The following CUL3 variants were observed in gnomAD, a reference collection of about 807,000 sequenced individuals.
CUL3 encodes cullin-3.
In CUL3, 19 loss-of-function variants were observed where a neutral mutation model predicts 89.1. That is an observed-to-expected ratio of 0.21 (90% CI 0.15 to 0.31). The LOEUF (loss-of-function observed/expected upper bound fraction) is 0.31. CUL3 is among the 10% of genes least tolerant of loss of function. The pLI is 1.00. For synonymous variants in CUL3, 351 were observed against 308.4 expected, an observed-to-expected ratio of 1.14 and a Z score of -1.45; for missense variants, 469 against 942.3, an observed-to-expected ratio of 0.50 and a Z score of 6.58.
intron 3 of CUL3, among the ~76,000 whole-genome samples, chr2:224,515,734 T>G (rs530730464): frequency 2.6e-5 from 4 of 152,222 alleles, no homozygotes; most frequent in African/African-American, 4.8e-5. Context: ...TTCACTCTGT[T>G]GTCTGGGCTG....
chr2:224,513,803 T>C (rs1000422992), intron 4 of CUL3, among the ~76,000 whole-genome samples, 165 bp from the exon 5 acceptor site: 9 of 152,204 alleles, frequency 5.9e-5, no homozygotes, highest in African/African-American at 2.2e-4. Context: ...TTAGCCTAAT[T>C]TTAAGTTGGA....
chr2:224,521,443 T>C (rs917330184), intron 3 of CUL3, among the ~76,000 whole-genome samples: 6 of 152,022 alleles, frequency 3.9e-5, no homozygotes, highest in Non-Finnish European at 8.8e-5. Flanking sequence ...CTTTTTTTTT[T>C]TTTTTGAGAC....
intron 2 of CUL3, among the ~76,000 whole-genome samples, chr2:224,541,426 T>G (rs1694099735): frequency 6.6e-6 from 1 of 152,202 alleles, no homozygotes; most frequent in Non-Finnish European, 1.5e-5. Context: ...AAACAAAAGA[T>G]GCTGACAGTA....
intron 14 of CUL3, among the ~76,000 whole-genome samples, chr2:224,480,673 T>C (rs1226853807): frequency 1.3e-5 from 2 of 152,124 alleles, no homozygotes; most frequent in Non-Finnish European, 2.9e-5. Context: ...TAGGGTACAG[T>C]AGGGTGAGGG....
At chr2:224,500,807 A>G (rs1692358621) in intron 10 of CUL3, among the ~76,000 whole-genome samples, 2 of 151,828 alleles carry the variant, frequency 1.3e-5, no homozygotes, top group Admixed American at 6.6e-5. Flanking sequence ...TATTTTTAGT[A>G]GAGACGGGGT....
At chr2:224,518,342 T>C (rs1205757601) in intron 3 of CUL3, among the ~76,000 whole-genome samples, 1 of 152,246 alleles carries the variant, frequency 6.6e-6, no homozygotes, top group Non-Finnish European at 1.5e-5. Flanking sequence ...CTCCATTGCA[T>C]GGATACACCA....
chr2:224,565,766 A>T (rs1392853581), intron 1 of CUL3, among the ~76,000 whole-genome samples: 1 of 152,316 alleles, frequency 6.6e-6, no homozygotes, highest in East Asian at 1.9e-4. Context: ...TTTCTTCAAG[A>T]TCCATATCCT....
intron 8 of CUL3, among the ~76,000 whole-genome samples, chr2:224,505,195 TGGCGTC>T (rs1476045542): frequency 6.6e-6 from 1 of 150,936 alleles, no homozygotes; most frequent in Non-Finnish European, 1.5e-5. Context: ...TGGAGTGCAG[TGGCGTC>T]ATCTTGGCTC....
At chr2:224,520,882 T>C (rs1693234475) in intron 3 of CUL3, among the ~76,000 whole-genome samples, 1 of 152,160 alleles carries the variant, frequency 6.6e-6, no homozygotes, top group South Asian at 2.1e-4. Context: ...AGAAATCAAA[T>C]TCAGCACATA....
chr2:224,580,210 G>A (rs1313776586), intron 1 of CUL3, among the ~76,000 whole-genome samples: 2 of 152,114 alleles, frequency 1.3e-5, no homozygotes, highest in South Asian at 2.1e-4. Flanking sequence ...GTGCAAGGCG[G>A]GAAAGCTTAT....
At chr2:224,541,591 AC>A (rs1163432434) in intron 2 of CUL3, among the ~76,000 whole-genome samples, 1 of 152,222 alleles carries the variant, frequency 6.6e-6, no homozygotes, top group Non-Finnish European at 1.5e-5. Flanking sequence ...ATGAAAACTT[AC>A]ATTCACACAA....
intron 2 of CUL3, among the ~76,000 whole-genome samples, chr2:224,547,137 C>G (rs1694333239): frequency 6.6e-6 from 1 of 152,124 alleles, no homozygotes; most frequent in Non-Finnish European, 1.5e-5. Flanking sequence ...GGCACTCATC[C>G]TAAATGCCTG....
chr2:224,568,657 A>G (rs2106318824), intron 1 of CUL3, among the ~76,000 whole-genome samples: 1 of 152,312 alleles, frequency 6.6e-6, no homozygotes, highest in Middle Eastern at 3.4e-3. Flanking sequence ...GATTTTTCCC[A>G]TTCACCTAAA....
At chr2:224,500,124 G>T in intron 11 of CUL3, 1 of 381,086 alleles carries the variant, frequency 2.6e-6, no homozygotes, top group Non-Finnish European at 4.9e-6. Flanking sequence ...CTAAATAAAA[G>T]GCATTTCAAA....
At chr2:224,545,326 C>T (rs1694254138) in intron 2 of CUL3, among the ~76,000 whole-genome samples, 2 of 151,852 alleles carry the variant, frequency 1.3e-5, no homozygotes, top group South Asian at 2.1e-4. Context: ...AAAATTATAC[C>T]AGTATCCTTA....
At chr2:224,546,674 G>C (rs1045367004) in intron 2 of CUL3, among the ~76,000 whole-genome samples, 1 of 124,244 alleles carries the variant, frequency 8.0e-6, no homozygotes, top group Admixed American at 9.5e-5. Flanking sequence ...GGATGGGGGG[G>C]GGTACTTGCC....
At chr2:224,527,106 C>T (rs1574658694) in intron 3 of CUL3, among the ~76,000 whole-genome samples, 1 of 152,110 alleles carries the variant, frequency 6.6e-6, no homozygotes, top group Non-Finnish European at 1.5e-5. Context: ...ATGGGGAAAG[C>T]CTGTCTTAAA....
intron 3 of CUL3, among the ~76,000 whole-genome samples, chr2:224,532,255 T>A (rs1693723592): frequency 6.6e-6 from 1 of 151,976 alleles, no homozygotes; most frequent in Non-Finnish European, 1.5e-5. Context: ...GAGTGTACCA[T>A]GAGAAGAACA....
At chr2:224,565,905 A>G (rs953920469) in intron 1 of CUL3, among the ~76,000 whole-genome samples, 4 of 152,178 alleles carry the variant, frequency 2.6e-5, no homozygotes, top group African/African-American at 9.7e-5. Context: ...TTCAGGCTAG[A>G]TGGCTTTTAT....
Sources: allele counts gnomAD v4.1 joint callset (sites outside exome capture counted in the v4.1 genomes callset), GRCh38; gene constraint gnomAD v4.1.1; transcripts MANE v1.5; gene names NCBI Gene and HGNC (gene_info 2026-07-23, HGNC 2026-07-21).